Variants in PRKG1 observed in about 807,000 individuals in gnomAD.
PRKG1 encodes the protein protein kinase cGMP-dependent 1.
PRKG1 carries 35 observed loss-of-function variants against 88.1 expected under a neutral mutation model. That is an observed-to-expected ratio of 0.40 (90% CI 0.30 to 0.53). PRKG1 has a LOEUF of 0.53. Ranked by LOEUF, PRKG1 falls within the 20% of genes least tolerant of loss-of-function variation. PRKG1 has a pLI of 0.59. For missense variants in PRKG1, 540 were observed against 839.8 expected (o/e 0.64, Z 4.41); for synonymous variants, 303 against 292.5 (o/e 1.04, Z -0.37).
intron 2 of PRKG1, among the ~76,000 whole-genome samples, chr10:51,291,411 T>C (rs1840579325): frequency 6.6e-6 from 1 of 151,914 alleles, no homozygotes; most frequent in African/African-American, 2.4e-5. Context: ...TATCTCATTA[T>C]GGTAACAAGA....
At chr10:51,943,777 A>T (rs1442090560) in intron 5 of PRKG1, among the ~76,000 whole-genome samples, 1 of 151,912 alleles carries the variant, frequency 6.6e-6, no homozygotes, top group Non-Finnish European at 1.5e-5. Context: ...CATATATTGA[A>T]CCAGCCTTGC....
intron 1 of PRKG1, among the ~76,000 whole-genome samples, chr10:51,130,557 T>C (rs1212395210): frequency 1.3e-5 from 2 of 152,096 alleles, no homozygotes; most frequent in East Asian, 3.8e-4. Context: ...TTCAGAAAAA[T>C]AAATTCCATC....
chr10:52,178,539 T>C (rs572638847), intron 9 of PRKG1, among the ~76,000 whole-genome samples: 12 of 152,210 alleles, frequency 7.9e-5, no homozygotes, highest in East Asian at 1.9e-4. Context: ...TTAAATCTAA[T>C]GTTTCTTTGT....
At chr10:51,776,362 AATAG>A (rs1589277349) in intron 3 of PRKG1, among the ~76,000 whole-genome samples, 1 of 152,178 alleles carries the variant, frequency 6.6e-6, no homozygotes, top group East Asian at 1.9e-4. Flanking sequence ...CAAAAAATCT[AATAG>A]ATAGCTACAA....
chr10:51,966,483 G>T (rs78391224), intron 5 of PRKG1, among the ~76,000 whole-genome samples: 1 of 151,678 alleles, frequency 6.6e-6, no homozygotes, highest in South Asian at 2.1e-4. Flanking sequence ...TTTTCTTTCC[G>T]TATTTCCTTA....
intron 2 of PRKG1, among the ~76,000 whole-genome samples, chr10:51,331,694 C>G (rs745444745): frequency 6.6e-6 from 1 of 152,170 alleles, no homozygotes; most frequent in East Asian, 1.9e-4. Context: ...CTTTTGTGAA[C>G]ATATTTTCAT....
chr10:51,527,526 G>GA (rs968192812), intron 3 of PRKG1, among the ~76,000 whole-genome samples: 3 of 151,814 alleles, frequency 2.0e-5, no homozygotes, highest in African/African-American at 7.3e-5. Flanking sequence ...ATTTCAAGGG[G>GA]AAAAAAAAGT....
chr10:51,551,578 T>G (rs550802706), intron 3 of PRKG1, among the ~76,000 whole-genome samples: 1 of 151,808 alleles, frequency 6.6e-6, no homozygotes, highest in Non-Finnish European at 1.5e-5. Context: ...TTCTATTTGC[T>G]GTGGCAGATA....
At chr10:51,778,752 G>C (rs1426761523) in intron 3 of PRKG1, among the ~76,000 whole-genome samples, 3 of 152,076 alleles carry the variant, frequency 2.0e-5, no homozygotes, top group African/African-American at 7.2e-5. Context: ...CTGTGGGAAA[G>C]TTTTTCCTTC....
chr10:51,255,403 T>G (rs2132148670), intron 2 of PRKG1, among the ~76,000 whole-genome samples: 1 of 152,226 alleles, frequency 6.6e-6, no homozygotes, highest in Non-Finnish European at 1.5e-5. Flanking sequence ...CCAGGATGCT[T>G]TTGGGAGCAG....
chr10:52,254,906 C>G (rs1489221725), intron 10 of PRKG1, among the ~76,000 whole-genome samples: 6 of 152,048 alleles, frequency 3.9e-5, no homozygotes, highest in Admixed American at 6.6e-5. Context: ...CAGTCTCTTC[C>G]TAAATACTCT....
intron 1 of PRKG1, among the ~76,000 whole-genome samples, chr10:51,054,366 CT>C (rs1289046340): frequency 6.6e-6 from 1 of 152,038 alleles, no homozygotes; most frequent in Non-Finnish European, 1.5e-5. Context: ...TTTGTTTAAA[CT>C]TTTTAAAAGT....
At chr10:51,294,293 A>G (rs1840661238) in intron 2 of PRKG1, among the ~76,000 whole-genome samples, 1 of 152,032 alleles carries the variant, frequency 6.6e-6, no homozygotes, top group South Asian at 2.1e-4. Flanking sequence ...TCATGATCCA[A>G]ATTAATTTCA....
intron 4 of PRKG1, among the ~76,000 whole-genome samples, chr10:51,840,507 G>A (rs1434050531): frequency 6.7e-6 from 1 of 149,710 alleles, no homozygotes; most frequent in Admixed American, 6.7e-5. Flanking sequence ...TGTCTTTATT[G>A]AACCCTCTAT....
intron 10 of PRKG1, among the ~76,000 whole-genome samples, chr10:52,259,658 C>T (rs1841387356): frequency 1.3e-5 from 2 of 152,070 alleles, no homozygotes; most frequent in South Asian, 2.1e-4. Flanking sequence ...TAGTCTCTAG[C>T]TCCAGCCCAC....
chr10:51,590,142 CT>C (rs1342973407), intron 3 of PRKG1, among the ~76,000 whole-genome samples: 4 of 152,120 alleles, frequency 2.6e-5, no homozygotes, highest in African/African-American at 9.7e-5. Context: ...ATAGTTGTGA[CT>C]GATTTTGAGA....
chr10:51,903,391 G>A (rs996927399), intron 4 of PRKG1, among the ~76,000 whole-genome samples: 1 of 151,948 alleles, frequency 6.6e-6, no homozygotes, highest in African/African-American at 2.4e-5. Flanking sequence ...TGGTATTAAG[G>A]CTATATACTT....
At chr10:51,847,143 C>T (rs1333817372) in intron 4 of PRKG1, among the ~76,000 whole-genome samples, 1 of 152,110 alleles carries the variant, frequency 6.6e-6, no homozygotes, top group African/African-American at 2.4e-5. Flanking sequence ...AAAATGAAGG[C>T]AGGTGCTGAT....
At chr10:52,031,307 T>C (rs1011972370) in intron 5 of PRKG1, among the ~76,000 whole-genome samples, 1 of 152,176 alleles carries the variant, frequency 6.6e-6, no homozygotes, top group Non-Finnish European at 1.5e-5. Flanking sequence ...CAGGGAATAA[T>C]ATAATTCACA....
Sources: gnomAD v4.1 joint callset for allele counts (sites outside exome capture counted in the v4.1 genomes callset) on GRCh38, gnomAD v4.1.1 for gene constraint, MANE v1.5 for transcripts, NCBI Gene and HGNC (gene_info 2026-07-23, HGNC 2026-07-21) for gene names.